TBC1D19: variants seen among roughly 807,000 people sequenced by gnomAD.
TBC1D19 encodes the protein TBC1 domain family, member 19.
Under a neutral mutation model 89.0 loss-of-function variants are expected in TBC1D19, and 60 were observed. The observed-to-expected ratio is 0.67, with a 90% confidence interval of 0.55 to 0.84. The LOEUF is 0.84. TBC1D19 is among the 40% of genes least tolerant of loss of function. TBC1D19 has a pLI of 0.00. For synonymous variants in TBC1D19, 189 were observed against 199.7 expected, an observed-to-expected ratio of 0.95 and a Z score of 0.45; for missense variants, 500 against 610.8, an observed-to-expected ratio of 0.82 and a Z score of 1.91.
chr4:26,674,746 A>G (rs1266544677), intron 11 of TBC1D19, among the ~76,000 whole-genome samples: 6 of 152,156 alleles, frequency 3.9e-5, no homozygotes, highest in East Asian at 3.9e-4. Flanking sequence ...ACGTACATGT[A>G]CTTTTAACAT....
chr4:26,654,912 G>A (rs971476493), intron 7 of TBC1D19, among the ~76,000 whole-genome samples: 3 of 152,120 alleles, frequency 2.0e-5, no homozygotes, highest in African/African-American at 7.2e-5. Context: ...TTCCATTGCT[G>A]GTGAGGAGCT....
chr4:26,603,861 A>AT (rs1292995435), intron 1 of TBC1D19, among the ~76,000 whole-genome samples: 2 of 152,226 alleles, frequency 1.3e-5, no homozygotes, highest in Non-Finnish European at 2.9e-5. Flanking sequence ...GTTCATTGTC[A>AT]TTAAGTACAT....
At chr4:26,733,210 G>C (rs1402598678) in intron 15 of TBC1D19, among the ~76,000 whole-genome samples, 1 of 152,136 alleles carries the variant, frequency 6.6e-6, no homozygotes, top group Non-Finnish European at 1.5e-5. Context: ...TACTATTTTT[G>C]ATAAAATTGC....
chr4:26,850,938 C>T, the TBC1D19 span, among the ~76,000 whole-genome samples: 1 of 152,104 alleles, frequency 6.6e-6, no homozygotes, highest in African/African-American at 2.4e-5. Flanking sequence ...TGGGAAAGAT[C>T]CACCCTCAAT....
At chr4:26,838,742 G>A in the TBC1D19 span, among the ~76,000 whole-genome samples, 2 of 152,170 alleles carry the variant, frequency 1.3e-5, no homozygotes, top group South Asian at 2.1e-4. Context: ...GATCTAAATC[G>A]CCTTTCAGAA....
intron 1 of TBC1D19, among the ~76,000 whole-genome samples, chr4:26,607,664 T>C (rs925089245): frequency 2.0e-5 from 3 of 152,136 alleles, no homozygotes; most frequent in Non-Finnish European, 4.4e-5. Context: ...AATTAAAAAA[T>C]TACACTAAGA....
chr4:26,800,376 G>A, the TBC1D19 span, among the ~76,000 whole-genome samples: 2 of 152,182 alleles, frequency 1.3e-5, no homozygotes, highest in African/African-American at 2.4e-5. Flanking sequence ...TGGTACATAT[G>A]TGCTACATTT....
rs1424415728 is a variant in TBC1D19, at chr4:26,638,099, GGC to G, written c.370-671_370-670del. Among the ~76,000 whole-genome samples, 1,173 of 151,296 alleles carry G rather than the reference GGC, an allele frequency of 7.8e-3. 18 individuals carry two copies. Among genetic ancestry groups the G allele is most frequent in the African/African-American group, 0.027 (1,104 of 40,696 alleles). ...AATACTCAACATTTATGTTACTCTGGGCATTGAGGAGAAAAGATGAGAAAGAA... is the reference window on the plus strand; with the variant it reads ...AATACTCAACATTTATGTTACTCTGGATTGAGGAGAAAAGATGAGAAAGAA... On this transcript the variant is annotated intron_variant, in intron 5 of 20. Transcript: ENST00000264866.
chr4:26,640,044 A>G (rs955841457), intron 6 of TBC1D19, 97 bp from the exon 7 acceptor site: 4 of 828,972 alleles, frequency 4.8e-6, no homozygotes, highest in Non-Finnish European at 5.8e-6. Flanking sequence ...GAATTAATCT[A>G]TCTGTATGAT....
chr4:26,631,933 A>T (rs1333773314), intron 4 of TBC1D19, among the ~76,000 whole-genome samples: 1 of 152,112 alleles, frequency 6.6e-6, no homozygotes, highest in Non-Finnish European at 1.5e-5. Flanking sequence ...ATCTAATGTT[A>T]AATTTAGAGT....
chr4:26,606,503 A>G (rs1050606153), intron 1 of TBC1D19, among the ~76,000 whole-genome samples: 2 of 152,082 alleles, frequency 1.3e-5, no homozygotes, highest in African/African-American at 4.8e-5. Flanking sequence ...AGGGGAGGGG[A>G]GTAGTGATGG....
chr4:26,732,536 T>C (rs1278192930), intron 15 of TBC1D19, among the ~76,000 whole-genome samples: 3 of 152,182 alleles, frequency 2.0e-5, no homozygotes, highest in Non-Finnish European at 4.4e-5. Flanking sequence ...GAATGATGCA[T>C]GTGCAGCAAG....
chr4:26,725,882 T>C (rs919368961), intron 15 of TBC1D19, among the ~76,000 whole-genome samples: 4 of 151,798 alleles, frequency 2.6e-5, no homozygotes, highest in African/African-American at 9.7e-5. Flanking sequence ...ATTGAATAAG[T>C]GAGGGAATAA....
At chr4:26,800,982 C>A in the TBC1D19 span, among the ~76,000 whole-genome samples, 6 of 152,170 alleles carry the variant, frequency 3.9e-5, no homozygotes, top group African/African-American at 1.4e-4. Context: ...ATGGTAGTTT[C>A]TTTTGCTGTG....
chr4:26,814,904 C>G, the TBC1D19 span, among the ~76,000 whole-genome samples: 5 of 152,176 alleles, frequency 3.3e-5, no homozygotes, highest in African/African-American at 1.2e-4. Context: ...CGCCTGTTGT[C>G]CCAGCTATGT....
intron 7 of TBC1D19, among the ~76,000 whole-genome samples, chr4:26,656,091 T>C (rs1304780391): frequency 6.6e-6 from 1 of 152,142 alleles, no homozygotes; most frequent in South Asian, 2.1e-4. Flanking sequence ...AAATTATTAT[T>C]ATTCTGTCTT....
At chr4:26,680,655 C>A (rs181955138) in intron 11 of TBC1D19, among the ~76,000 whole-genome samples, 2 of 152,236 alleles carry the variant, frequency 1.3e-5, no homozygotes, top group African/African-American at 4.8e-5. Context: ...ATACACCCAC[C>A]CCCACTACAT....
intron 12 of TBC1D19, 22 bp downstream of exon 12, chr4:26,683,771 T>A: frequency 6.3e-7 from 1 of 1,584,038 alleles, no homozygotes; most frequent in Non-Finnish European, 8.6e-7. Context: ...TCAGCTTAGT[T>A]TTTCCTTTTC....
chr4:26,711,076 T>G (rs1020799914), intron 13 of TBC1D19, among the ~76,000 whole-genome samples: 1 of 152,202 alleles, frequency 6.6e-6, no homozygotes. Context: ...CCATTGCTTT[T>G]GGCGTTTTAG....
Sources: allele counts gnomAD v4.1 joint callset (sites outside exome capture counted in the v4.1 genomes callset), GRCh38; gene constraint gnomAD v4.1.1; transcripts MANE v1.5; gene names NCBI Gene and HGNC (gene_info 2026-07-23, HGNC 2026-07-21).